Variants in PDE4B observed in about 807,000 individuals in gnomAD.
The protein encoded by PDE4B is phosphodiesterase 4B, also known as 3',5'-cyclic-AMP phosphodiesterase 4B.
Under a neutral mutation model 82.2 loss-of-function variants are expected in PDE4B, and 20 were observed. The ratio of observed to expected loss-of-function variants is 0.24; its 90% CI spans 0.17 to 0.35. PDE4B has a LOEUF of 0.35. PDE4B is among the 10% of genes least tolerant of loss of function. The pLI is 1.00. For synonymous variants in PDE4B, 320 were observed against 318.9 expected, an observed-to-expected ratio of 1.00 and a Z score of -0.04; for missense variants, 655 against 907.2, an observed-to-expected ratio of 0.72 and a Z score of 3.57.
chr1:65,872,947 A>C (rs1331059721), intron 1 of PDE4B, among the ~76,000 whole-genome samples: 1 of 152,178 alleles, frequency 6.6e-6, no homozygotes, highest in Non-Finnish European at 1.5e-5. Flanking sequence ...CTGCAGAGCT[A>C]GCATTGGATC....
At chr1:66,253,080 A>G (rs1303226133) in intron 4 of PDE4B, among the ~76,000 whole-genome samples, 1 of 152,226 alleles carries the variant, frequency 6.6e-6, no homozygotes, top group African/African-American at 2.4e-5. Context: ...CACTGTTATC[A>G]AGAGTTGTAC....
chr1:66,047,915 G>A (rs1159633893), intron 3 of PDE4B, among the ~76,000 whole-genome samples: 2 of 151,954 alleles, frequency 1.3e-5, no homozygotes, highest in African/African-American at 2.4e-5. Context: ...TAATACTGGT[G>A]ATGGCCATCT....
intron 1 of PDE4B, among the ~76,000 whole-genome samples, chr1:65,874,128 T>C (rs6695297): frequency 0.18 from 27,402 of 151,770 alleles, 2,918 homozygotes; most frequent in South Asian, 0.38. Flanking sequence ...GAAGAGGTCC[T>C]TCACATCCCT....
At chr1:65,912,503 A>C (rs1647107135) in intron 1 of PDE4B, among the ~76,000 whole-genome samples, 1 of 141,426 alleles carries the variant, frequency 7.1e-6, no homozygotes, top group African/African-American at 2.6e-5. Context: ...TTGTTTCTGC[A>C]ATGACTTCCA....
rs548699787 is a variant in PDE4B at position 66,103,230 on chromosome 1, A to G, written c.282-144230A>G. On this transcript the variant is annotated intron_variant, in intron 3 of 16. Coordinates refer to ENST00000341517, the MANE Select transcript of PDE4B (RefSeq NM_002600.4). The stretch of plus-strand genomic sequence containing the variant: ...ATTGTTGAGCATTGTGGGGTAAGAG[A>G]AATCCTGCCTCACGCAAATTTATTT... 2.6e-5 allele frequency among the ~76,000 whole-genome samples: 4 copies of G among 152,136 alleles called. No homozygotes were observed. In the South Asian group the frequency reaches 8.3e-4, roughly 32 times the overall value.
At chr1:66,160,753 T>C (rs980298166) in intron 3 of PDE4B, among the ~76,000 whole-genome samples, 3 of 152,244 alleles carry the variant, frequency 2.0e-5, no homozygotes, top group African/African-American at 4.8e-5. Context: ...TGAATTTTGT[T>C]TCTCATGGAA....
At chr1:65,893,683 A>G (rs981459404) in intron 1 of PDE4B, among the ~76,000 whole-genome samples, 1 of 92,132 alleles carries the variant, frequency 1.1e-5, no homozygotes, top group Non-Finnish European at 2.6e-5. Context: ...ATTATATGAA[A>G]CATGCACACA....
intron 9 of PDE4B, among the ~76,000 whole-genome samples, chr1:66,358,312 T>C (rs1430900151): frequency 1.3e-5 from 2 of 152,216 alleles, no homozygotes; most frequent in East Asian, 3.8e-4. Context: ...ATAAGGACTC[T>C]TAACTGATAC....
intron 3 of PDE4B, among the ~76,000 whole-genome samples, chr1:66,123,592 T>A (rs1208060579): frequency 6.6e-6 from 1 of 151,952 alleles, no homozygotes; most frequent in Non-Finnish European, 1.5e-5. Context: ...TCTTTTTTTT[T>A]TAAAGGCTTT....
intron 1 of PDE4B, among the ~76,000 whole-genome samples, chr1:65,803,118 A>T (rs1645715595): frequency 6.6e-6 from 1 of 152,150 alleles, no homozygotes; most frequent in African/African-American, 2.4e-5. Context: ...ACTTTGCTAT[A>T]CTCATTCAAG....
intron 3 of PDE4B, among the ~76,000 whole-genome samples, chr1:66,200,472 G>C (rs1013189801): frequency 6.6e-5 from 10 of 151,982 alleles, no homozygotes; most frequent in African/African-American, 2.2e-4. Flanking sequence ...TTCTTCCTAC[G>C]CGTGAGCATG....
chr1:66,273,839 T>C (rs1294814579), intron 7 of PDE4B, among the ~76,000 whole-genome samples: 4 of 152,250 alleles, frequency 2.6e-5, no homozygotes. Flanking sequence ...TGTTAAGGCT[T>C]ACTGAAATAT....
intron 7 of PDE4B, among the ~76,000 whole-genome samples, chr1:66,316,999 G>A (rs936519239): frequency 6.6e-5 from 10 of 152,170 alleles, no homozygotes; most frequent in African/African-American, 2.2e-4. Flanking sequence ...CACAGTGTTG[G>A]CTTCTTTCTC....
chr1:66,126,054 C>T (rs1191579986), intron 3 of PDE4B, among the ~76,000 whole-genome samples: 3 of 152,084 alleles, frequency 2.0e-5, no homozygotes, highest in East Asian at 1.9e-4. Flanking sequence ...GATCCACCCA[C>T]CTCGGCCTCC....
intron 1 of PDE4B, among the ~76,000 whole-genome samples, chr1:65,854,572 G>C (rs1185052763): frequency 2.0e-5 from 3 of 151,522 alleles, no homozygotes; most frequent in Admixed American, 2.0e-4. Context: ...AATGACTGCT[G>C]CACACATATT....
chr1:66,191,143 C>T (rs1237004746), intron 3 of PDE4B, among the ~76,000 whole-genome samples: 3 of 152,082 alleles, frequency 2.0e-5, no homozygotes. Context: ...GCTGTGATTT[C>T]TGCTTACATG....
chr1:66,267,479 C>G (rs1427540250), intron 7 of PDE4B: 2 of 152,112 alleles, frequency 1.3e-5, no homozygotes, highest in Non-Finnish European at 2.9e-5. Flanking sequence ...ACTATGTTTT[C>G]TTTTTCTTGT....
intron 3 of PDE4B, among the ~76,000 whole-genome samples, chr1:66,197,206 T>A (rs1648395265): frequency 6.6e-6 from 1 of 152,014 alleles, no homozygotes; most frequent in Non-Finnish European, 1.5e-5. Flanking sequence ...AATCTCCCAC[T>A]TAAGGCCTAA....
intron 3 of PDE4B, among the ~76,000 whole-genome samples, chr1:66,228,145 C>G (rs1014597946): frequency 6.6e-6 from 1 of 152,204 alleles, no homozygotes. Context: ...TAGACATTCC[C>G]CCAGACATCT....
Sources: allele counts gnomAD v4.1 joint callset (sites outside exome capture counted in the v4.1 genomes callset), GRCh38; gene constraint gnomAD v4.1.1; transcripts MANE v1.5; gene names NCBI Gene and HGNC (gene_info 2026-07-23, HGNC 2026-07-21).